SORCS3: variants seen among roughly 807,000 people sequenced by gnomAD.
The protein encoded by SORCS3 is VPS10 domain-containing receptor SorCS3.
A neutral mutation model predicts 146.3 loss-of-function variants in SORCS3; 57 were observed. That is an observed-to-expected ratio of 0.39 (90% CI 0.31 to 0.49). The LOEUF (loss-of-function observed/expected upper bound fraction) is 0.49, where lower values mean the gene tolerates loss of function less well. SORCS3 is among the 20% of genes least tolerant of loss of function. The pLI, the probability that SORCS3 is intolerant of heterozygous loss-of-function variation, is 0.92. For missense variants in SORCS3, 1,341 were observed against 1,575.5 expected, an observed-to-expected ratio of 0.85 and a Z score of 2.52; for synonymous variants, 653 against 618.5, an observed-to-expected ratio of 1.06 and a Z score of -0.83.
chr10:105,216,213 C>A (rs1013487676), intron 18 of SORCS3, among the ~76,000 whole-genome samples: 1 of 152,100 alleles, frequency 6.6e-6, no homozygotes, highest in Non-Finnish European at 1.5e-5. Flanking sequence ...GATAAGAGAA[C>A]AAGGGTATAA....
intron 5 of SORCS3, among the ~76,000 whole-genome samples, chr10:105,052,907 G>A (rs986539066): frequency 6.6e-6 from 1 of 152,136 alleles, no homozygotes; most frequent in South Asian, 2.1e-4. Flanking sequence ...TTGGTCTGGG[G>A]CTGTGCATTA....
chr10:105,124,286 G>A (rs1271001911), intron 7 of SORCS3, among the ~76,000 whole-genome samples: 1 of 152,144 alleles, frequency 6.6e-6, no homozygotes, highest in African/African-American at 2.4e-5. Flanking sequence ...ATATAATGAA[G>A]ATGTTTAAAG....
At chr10:104,873,886 T>A (rs2018543888) in intron 2 of SORCS3, among the ~76,000 whole-genome samples, 1 of 152,200 alleles carries the variant, frequency 6.6e-6, no homozygotes, top group African/African-American at 2.4e-5. Flanking sequence ...TAACTACCTC[T>A]CTCCAGCACT....
At chr10:104,966,168 C>T (rs1384075826) in intron 3 of SORCS3, among the ~76,000 whole-genome samples, 2 of 151,780 alleles carry the variant, frequency 1.3e-5, no homozygotes, top group East Asian at 1.9e-4. Flanking sequence ...CTCCCCTGCC[C>T]CCAGCTGTGA....
At chr10:104,729,985 G>A (rs2016687582) in intron 1 of SORCS3, among the ~76,000 whole-genome samples, 1 of 152,160 alleles carries the variant, frequency 6.6e-6, no homozygotes, top group Non-Finnish European at 1.5e-5. Flanking sequence ...AGTTTTCTGA[G>A]AATTATGTAA....
intron 20 of SORCS3, among the ~76,000 whole-genome samples, chr10:105,226,972 T>G (rs1364208933): frequency 6.6e-6 from 1 of 152,034 alleles, no homozygotes; most frequent in Admixed American, 6.6e-5. Context: ...GCAAGTGGTT[T>G]GTTGATTTTG....
intron 3 of SORCS3, among the ~76,000 whole-genome samples, chr10:104,942,498 T>C (rs1384521998): frequency 6.6e-6 from 1 of 152,172 alleles, no homozygotes; most frequent in African/African-American, 2.4e-5. Context: ...TTATAAGAAA[T>C]AAGAATTACA....
chr10:105,178,278 A>G (rs1022007894), intron 14 of SORCS3, 105 bp downstream of exon 14: 17 of 773,766 alleles, frequency 2.2e-5, no homozygotes, highest in Non-Finnish European at 2.9e-5. Flanking sequence ...AAGTGGTCCA[A>G]TCTCTGGGCC....
chr10:104,964,428 G>A lies in SORCS3; in HGVS notation c.796-12907G>A, dbSNP rs141837669. On this transcript the variant is annotated intron_variant, in intron 3 of 26. Transcript: ENST00000369701. ...TTTTCTGCTTTCTTTCACTCTAAAG[G>A]CCTTATCACCATCTGATATGCCACA... is the stretch of plus-strand genomic sequence containing the variant. Among the ~76,000 whole-genome samples, 487 of 152,170 alleles carry A rather than the reference G, an allele frequency of 3.2e-3. 5 individuals are homozygous for A. Among genetic ancestry groups the A allele is most frequent in the African/African-American group, 0.011 (454 of 41,526 alleles).
chr10:104,940,416 C>CGGTGT (rs993623208), intron 3 of SORCS3, among the ~76,000 whole-genome samples: 3 of 125,762 alleles, frequency 2.4e-5, no homozygotes, highest in Non-Finnish European at 3.4e-5. Flanking sequence ...CAACAGGCCC[C>CGGTGT]GGTGTGTGAT....
intron 7 of SORCS3, among the ~76,000 whole-genome samples, chr10:105,114,410 T>A (rs1391013976): frequency 6.6e-6 from 1 of 152,174 alleles, no homozygotes; most frequent in Non-Finnish European, 1.5e-5. Flanking sequence ...TTTCTCCACA[T>A]CCCTAATGTC....
At chr10:105,081,222 C>T (rs1322537219) in intron 5 of SORCS3, among the ~76,000 whole-genome samples, 3 of 152,148 alleles carry the variant, frequency 2.0e-5, no homozygotes, top group African/African-American at 4.8e-5. Context: ...ATATTTCCCT[C>T]ATGCATACCC....
chr10:105,221,901 A>G (rs1373412525), intron 19 of SORCS3, among the ~76,000 whole-genome samples: 4 of 152,160 alleles, frequency 2.6e-5, no homozygotes, highest in African/African-American at 9.7e-5. Flanking sequence ...GAAGGATTAA[A>G]GAAGAGAAAG....
Position 104,952,636 on chromosome 10 carries a change from T to C in SORCS3, c.796-24699T>C, listed in dbSNP as rs372885858. Among the ~76,000 whole-genome samples, 87 of 152,292 alleles carry C rather than the reference T, an allele frequency of 5.7e-4. 4 individuals are homozygous for C. In the South Asian group the frequency reaches 7.3e-3, roughly 13 times the overall value. ...TTCCATTTTCTGCCTTGTGACCAAATTGAGAGCTGTGCTTACTCTTTTCTG... is the reference window on the plus strand; with the variant it reads ...TTCCATTTTCTGCCTTGTGACCAAACTGAGAGCTGTGCTTACTCTTTTCTG... On this transcript the variant is annotated intron_variant, in intron 3 of 26. Transcript: ENST00000369701.
At chr10:105,129,621 T>C (rs1270925351) in intron 7 of SORCS3, among the ~76,000 whole-genome samples, 7 of 151,586 alleles carry the variant, frequency 4.6e-5, no homozygotes, top group Non-Finnish European at 1.0e-4. Flanking sequence ...ATCTGTCCTT[T>C]TGTATTTCTG....
chr10:105,242,993 A>G (rs1291575851), intron 20 of SORCS3, among the ~76,000 whole-genome samples: 2 of 128,454 alleles, frequency 1.6e-5, no homozygotes, highest in African/African-American at 5.9e-5. Context: ...TATAATATAT[A>G]TTTATACATG....
At chr10:105,073,932 G>A (rs11192307) in intron 5 of SORCS3, among the ~76,000 whole-genome samples, 34,616 of 151,948 alleles carry the variant, frequency 0.23, 4,172 homozygotes, top group Admixed American at 0.34. Context: ...ATGAAGTAAA[G>A]GGAAGTCTCC....
At chr10:104,869,483 CT>C (rs1402238401) in intron 2 of SORCS3, among the ~76,000 whole-genome samples, 4 of 152,176 alleles carry the variant, frequency 2.6e-5, no homozygotes, top group African/African-American at 9.7e-5. Flanking sequence ...AATTCAAATG[CT>C]AATCTCTTCT....
intron 1 of SORCS3, 50 bp downstream of exon 1, chr10:104,642,004 GA>G: frequency 1.1e-6 from 1 of 940,506 alleles, no homozygotes; most frequent in Non-Finnish European, 1.4e-6. Context: ...CACCGAAGGG[GA>G]ATGGGGGGGT....
Sources: allele counts gnomAD v4.1 joint callset (sites outside exome capture counted in the v4.1 genomes callset), GRCh38; gene constraint gnomAD v4.1.1; transcripts MANE v1.5; gene names NCBI Gene and HGNC (gene_info 2026-07-23, HGNC 2026-07-21).